Variants in RFTN1 observed in about 807,000 individuals in gnomAD.
The protein encoded by RFTN1 is raftlin, lipid raft linker 1.
Under a neutral mutation model 46.5 loss-of-function variants are expected in RFTN1, and 26 were observed. The ratio of observed to expected loss-of-function variants is 0.56; its 90% CI spans 0.41 to 0.78. The LOEUF (loss-of-function observed/expected upper bound fraction) is 0.78, where lower values mean the gene tolerates loss of function less well. Ranked by LOEUF, RFTN1 falls within the 30% of genes least tolerant of loss-of-function variation. The pLI, the probability that RFTN1 is intolerant of heterozygous loss-of-function variation, is 0.00. For synonymous variants in RFTN1, 261 were observed against 284.2 expected, an observed-to-expected ratio of 0.92 and a Z score of 0.82; for missense variants, 693 against 718.7, an observed-to-expected ratio of 0.96 and a Z score of 0.41.
At chr3:16,390,246 C>G (rs1365756967) in intron 4 of RFTN1, among the ~76,000 whole-genome samples, 1 of 152,216 alleles carries the variant, frequency 6.6e-6, no homozygotes, top group East Asian at 1.9e-4. Context: ...TCCATACCCA[C>G]AGGAAATACC....
chr3:16,429,831 T>C lies in RFTN1; in HGVS notation c.332+4020A>G, dbSNP rs1349654380. 6.6e-6 allele frequency among the ~76,000 whole-genome samples: 1 copy of C among 152,224 alleles called. No homozygotes were observed. Among genetic ancestry groups the C allele is most frequent in the Admixed American group, 6.5e-5 (1 of 15,286 alleles). On this transcript the variant is annotated intron_variant, in intron 3 of 9. Coordinates refer to ENST00000334133, the MANE Select transcript of RFTN1 (RefSeq NM_015150.2). This position sits in a 1 kb window ranked among gnomAD's most constrained non-coding sequence, Gnocchi z 6.4. ...GAAGTTTCACAGAGTCATCTCATGG[T>C]GATTCTTGGTAATGAAGTTCACTTG...
Position 16,326,794 on chromosome 3 carries a change from G to A in RFTN1, c.1229C>T (p.Thr410Ile). The A allele has an allele frequency of 1.2e-6, 2 of 1,614,144 alleles. No homozygotes were observed. The highest frequency in any genetic ancestry group is 1.1e-5 in the South Asian group (1 of 91,080). ...TTACCTGGTAGTCTTGACGACGGGA[G>A]TTGGTAGCACACAGGTGAGCTGCCA... is the stretch of plus-strand genomic sequence containing the variant. ...YGWQLTCVLP[T>I]PVVKTTSEGS... The change falls in exon 8 of 10, where the codon ACT becomes ATT. Residue 410 changes from threonine to isoleucine, a missense_variant. Physicochemically the swap from Thr to Ile is moderately conservative, Grantham distance 89 (BLOSUM62 -1). Coordinates refer to ENST00000334133, the MANE Select transcript of RFTN1 (RefSeq NM_015150.2).
intron 4 of RFTN1, among the ~76,000 whole-genome samples, chr3:16,409,168 T>C (rs1037168636): frequency 6.6e-6 from 1 of 152,238 alleles, no homozygotes; most frequent in African/African-American, 2.4e-5. Context: ...CCCGGGCTCC[T>C]GCATGCCTGG....
rs2075199970 is a variant in RFTN1, at chr3:16,422,268, A to G, written c.332+11583T>C. On this transcript the variant is annotated intron_variant, in intron 3 of 9. Transcript: ENST00000334133. The surrounding 1 kb of genome is among the most constrained non-coding windows in gnomAD (Gnocchi z 4.6). ...TACAATTTCAACAGAGTTTACCAGGAACTGAAGAAATTATTTCAGGCTTTA... is the reference window on the plus strand; with the variant it reads ...TACAATTTCAACAGAGTTTACCAGGGACTGAAGAAATTATTTCAGGCTTTA... 6.6e-6 allele frequency among the ~76,000 whole-genome samples: 1 copy of G among 152,212 alleles called. No individual in the cohort carries two copies. Among genetic ancestry groups the G allele is most frequent in the Non-Finnish European group, 1.5e-5 (1 of 68,030 alleles).
chr3:16,492,545 G>A (rs1413093692), intron 2 of RFTN1, among the ~76,000 whole-genome samples: 1 of 152,182 alleles, frequency 6.6e-6, no homozygotes, highest in Non-Finnish European at 1.5e-5. Flanking sequence ...TCAAATCCAT[G>A]AGCATGAGGG....
intron 4 of RFTN1, among the ~76,000 whole-genome samples, chr3:16,392,972 A>C (rs1055471463): frequency 2.6e-5 from 4 of 152,248 alleles, no homozygotes; most frequent in Non-Finnish European, 5.9e-5. Flanking sequence ...GAGGCCCTGC[A>C]AGCCTTGGAA....
At chr3:16,364,891 C>T (rs1247340452) in intron 6 of RFTN1, among the ~76,000 whole-genome samples, 1 of 152,156 alleles carries the variant, frequency 6.6e-6, no homozygotes, top group African/African-American at 2.4e-5. Context: ...CAGCGTGGGG[C>T]ACGCAGGGGC....
intron 5 of RFTN1, among the ~76,000 whole-genome samples, chr3:16,372,832 A>G (rs1275881698): frequency 6.6e-6 from 1 of 152,214 alleles, no homozygotes; most frequent in Non-Finnish European, 1.5e-5. Context: ...AGAGACAGAA[A>G]TAAATTTCTC....
At chr3:16,501,866 T>C (rs1019218355) in intron 1 of RFTN1, among the ~76,000 whole-genome samples, 1 of 152,240 alleles carries the variant, frequency 6.6e-6, no homozygotes, top group African/African-American at 2.4e-5. Flanking sequence ...AACTAAAATG[T>C]ACCCGTCGAA....
In RFTN1 at chr3:16,329,969, G is replaced by C. The variant is rs774102402; in HGVS notation, c.1147-3093C>G. ...GCAGCCCGACCCGCCTGCTTAGACAGACTGCAAACCGGCTGCTTCTATTTT... is the reference window on the plus strand; with the variant it reads ...GCAGCCCGACCCGCCTGCTTAGACACACTGCAAACCGGCTGCTTCTATTTT... On this transcript the variant is annotated intron_variant, in intron 7 of 9. Coordinates refer to ENST00000334133, the MANE Select transcript of RFTN1 (RefSeq NM_015150.2). This position sits in a 1 kb window ranked among gnomAD's most constrained non-coding sequence, Gnocchi z 4.5. Among the ~76,000 whole-genome samples the C allele has an allele frequency of 2.0e-5, 3 of 152,158 alleles. No individual in the cohort carries two copies. Among genetic ancestry groups the C allele is most frequent in the Non-Finnish European group, 2.9e-5 (2 of 68,028 alleles).
At position 16,351,747 on chromosome 3, in the gene RFTN1, CTA is replaced by C. The variant is rs2072118410; in HGVS notation, c.1146+6183_1146+6184del. Reference sequence around the variant, plus strand: ...TTTAAATGATTTAAAAGCATATAAACTATAAGTGCAAAAACAAGTTGTTTCTC... The same window carrying C: ...TTTAAATGATTTAAAAGCATATAAACTAAGTGCAAAAACAAGTTGTTTCTC... On this transcript the variant is annotated intron_variant, in intron 7 of 9. Transcript: ENST00000334133. The surrounding 1 kb of genome is among the most constrained non-coding windows in gnomAD (Gnocchi z 5.4). 6.6e-6 allele frequency among the ~76,000 whole-genome samples: 1 copy of C among 152,126 alleles called. No individual in the cohort carries two copies. The highest frequency in any genetic ancestry group is 1.5e-5 in the Non-Finnish European group (1 of 68,022).
At position 16,481,778 on chromosome 3, in the gene RFTN1, A is replaced by C. The variant is rs185507382; in HGVS notation, c.145+11947T>G. 5.2e-4 allele frequency among the ~76,000 whole-genome samples: 79 copies of C among 152,296 alleles called. No homozygotes were observed. Among genetic ancestry groups the C allele is most frequent in the African/African-American group, 1.8e-3 (76 of 41,542 alleles). On this transcript the variant is annotated intron_variant, in intron 2 of 9. Transcript: ENST00000334133. The surrounding 1 kb of genome is among the most constrained non-coding windows in gnomAD (Gnocchi z 5.1). The stretch of plus-strand genomic sequence containing the variant: ...GAAACAGATGGTTTCACAGAAGTCA[A>C]TGTTACCTAGAGGAGCAAGGAGCGA...
At chr3:16,325,200 C>T (rs532398940) in intron 8 of RFTN1, among the ~76,000 whole-genome samples, 1 of 152,324 alleles carries the variant, frequency 6.6e-6, no homozygotes, top group South Asian at 2.1e-4. Flanking sequence ...AGCTTCACCT[C>T]AATGCTCCAC....
intron 2 of RFTN1, among the ~76,000 whole-genome samples, chr3:16,476,412 T>C (rs116356113): frequency 4.6e-5 from 7 of 152,242 alleles, no homozygotes; most frequent in African/African-American, 1.7e-4. Context: ...ACCATTATGG[T>C]TGGAGGACAT....
chr3:16,357,657 A>G (rs569078684), intron 7 of RFTN1, among the ~76,000 whole-genome samples: 1 of 152,330 alleles, frequency 6.6e-6, no homozygotes. Context: ...TGTCAGTTAT[A>G]TGCAAATTAA....
chr3:16,392,333 C>T (rs1389105408), intron 4 of RFTN1, among the ~76,000 whole-genome samples: 1 of 152,182 alleles, frequency 6.6e-6, no homozygotes, highest in East Asian at 1.9e-4. Flanking sequence ...CCAGGATACA[C>T]TCCATTTCTC....
At chr3:16,490,015 A>G (rs1353476996) in intron 2 of RFTN1, among the ~76,000 whole-genome samples, 1 of 152,212 alleles carries the variant, frequency 6.6e-6, no homozygotes, top group Non-Finnish European at 1.5e-5. Context: ...TCTGGAGAAT[A>G]AAGAATAATC....
At chr3:16,414,575 G>T (rs2075038843) in intron 3 of RFTN1, among the ~76,000 whole-genome samples, 1 of 149,704 alleles carries the variant, frequency 6.7e-6, no homozygotes, top group Admixed American at 6.7e-5. Flanking sequence ...CTGCACTCCA[G>T]CCTGAGCAAC....
rs886095534 is a variant in RFTN1, at chr3:16,506,405, C to T, written c.-9+7037G>A. The stretch of plus-strand genomic sequence containing the variant: ...TGAGTTGGAAGCCTCTGGAAGGTTT[C>T]GAGCTGAAAGAAGACATCAATTACT... On this transcript the variant is annotated intron_variant, in intron 1 of 9. Transcript: ENST00000334133. This position sits in a 1 kb window ranked among gnomAD's most constrained non-coding sequence, Gnocchi z 4.8. Among the ~76,000 whole-genome samples the T allele has an allele frequency of 1.3e-5, 2 of 152,040 alleles. No individual in the cohort carries two copies. The highest frequency in any genetic ancestry group is 6.5e-5 in the Admixed American group (1 of 15,278).
Sources: gnomAD v4.1 joint callset for allele counts (sites outside exome capture counted in the v4.1 genomes callset) on GRCh38, gnomAD v4.1.1 for gene constraint, Gnocchi (gnomAD v3.1) non-coding constraint, MANE v1.5 for transcripts, NCBI Gene and HGNC (gene_info 2026-07-23, HGNC 2026-07-21) for gene names.